The following DPP6 variants were observed in gnomAD, a reference collection of about 807,000 sequenced individuals.
DPP6 encodes the protein dipeptidyl peptidase like 6.
A neutral mutation model predicts 122.6 loss-of-function variants in DPP6; 69 were observed. The observed-to-expected ratio is 0.56, with a 90% confidence interval of 0.46 to 0.69. The LOEUF (loss-of-function observed/expected upper bound fraction) is 0.69. Among genes scored for constraint, DPP6 ranks in the 30% least tolerant of loss-of-function variants. DPP6 has a pLI of 0.00. For missense variants in DPP6, 928 were observed against 1,116.9 expected, an observed-to-expected ratio of 0.83 and a Z score of 2.41; for synonymous variants, 418 against 433.1, an observed-to-expected ratio of 0.97 and a Z score of 0.43.
At chr7:154,125,944 A>T (rs904358760) in intron 1 of DPP6, among the ~76,000 whole-genome samples, 8 of 152,126 alleles carry the variant, frequency 5.3e-5, no homozygotes, top group African/African-American at 1.9e-4. Context: ...TTGCTCCAGG[A>T]ATTCGGTAAA....
the DPP6 span, among the ~76,000 whole-genome samples, chr7:153,760,009 G>A: frequency 1.3e-4 from 20 of 151,980 alleles, no homozygotes; most frequent in East Asian, 2.1e-3. Flanking sequence ...CTGTATGTGA[G>A]TGAGTGTGTT....
At chr7:153,979,798 A>G (rs1200175002) in intron 1 of DPP6, among the ~76,000 whole-genome samples, 4 of 152,310 alleles carry the variant, frequency 2.6e-5, no homozygotes, top group South Asian at 4.1e-4. Flanking sequence ...ATCTATTGAG[A>G]TAATCATGTG....
rs899458811 is a variant in DPP6, at chr7:154,624,226, G to A, written c.628-13595G>A. 6.6e-6 allele frequency among the ~76,000 whole-genome samples: 1 copy of A among 152,022 alleles called. No individual in the cohort carries two copies. The highest frequency in any genetic ancestry group is 1.5e-5 in the Non-Finnish European group (1 of 68,012). ...GCCTATAAATCCAGCTACTTGGGAG[G>A]CTGAGGCAGAGAATTGCTTGAACCC... On this transcript the variant is annotated intron_variant, in intron 5 of 25. Transcript: ENST00000377770. The surrounding 1 kb of genome is among the most constrained non-coding windows in gnomAD (Gnocchi z 4.7).
chr7:154,539,022 A>G (rs1227597641), intron 3 of DPP6, among the ~76,000 whole-genome samples: 1 of 151,956 alleles, frequency 6.6e-6, no homozygotes, highest in Non-Finnish European at 1.5e-5. Flanking sequence ...ATAGACTTTC[A>G]TTTTCCTCAT....
chr7:154,544,140 T>A lies in DPP6; in HGVS notation c.552+3514T>A, dbSNP rs557458878. On this transcript the variant is annotated intron_variant, in intron 4 of 25. Coordinates refer to ENST00000377770, the MANE Select transcript of DPP6 (RefSeq NM_130797.4). ...ATATATACACACAAATATATGTATT[T>A]TATATATATATTTTATATATATATA... Among the ~76,000 whole-genome samples, 1,113 of 145,602 alleles carry A rather than the reference T, an allele frequency of 7.6e-3. 12 individuals carry two copies. The highest frequency in any genetic ancestry group is 0.025 in the African/African-American group (1,029 of 40,452).
intron 10 of DPP6, among the ~76,000 whole-genome samples, chr7:154,774,343 T>C (rs1796437922): frequency 6.6e-6 from 1 of 152,230 alleles, no homozygotes; most frequent in Non-Finnish European, 1.5e-5. Context: ...TTTATTGTTT[T>C]CCTTTCAGCC....
chr7:154,460,962 T>C (rs1821248076), intron 2 of DPP6, among the ~76,000 whole-genome samples: 1 of 152,116 alleles, frequency 6.6e-6, no homozygotes, highest in Non-Finnish European at 1.5e-5. Context: ...AACTCTATTT[T>C]TGTACCCATT....
chr7:154,138,473 A>G (rs1199498910), intron 1 of DPP6, among the ~76,000 whole-genome samples: 2 of 152,238 alleles, frequency 1.3e-5, no homozygotes, highest in Non-Finnish European at 2.9e-5. Context: ...ATTCTGCTCA[A>G]GAACAGCTCA....
At chr7:153,748,934 C>T in the DPP6 span, among the ~76,000 whole-genome samples, 2 of 151,604 alleles carry the variant, frequency 1.3e-5, no homozygotes, top group African/African-American at 4.8e-5. Flanking sequence ...CTGGGCCCCT[C>T]AACTTCCTCT....
Position 154,032,071 on chromosome 7 carries a change from C to T in DPP6, c.51+144337C>T, listed in dbSNP as rs539790231. Among the ~76,000 whole-genome samples, 497 of 150,832 alleles carry T rather than the reference C, an allele frequency of 3.3e-3. 2 individuals carry two copies. The highest frequency in any genetic ancestry group is 0.011 in the African/African-American group (467 of 40,922). Reference sequence around the variant, plus strand: ...ATTTTTAGTAGAGACGGGGTTTCACCGTGTTAGCCAGGATGGATGGTCTCG... The same window carrying T: ...ATTTTTAGTAGAGACGGGGTTTCACTGTGTTAGCCAGGATGGATGGTCTCG... On this transcript the variant is annotated intron_variant, in intron 1 of 25. Transcript: ENST00000404039.
At chr7:154,420,197 C>T (rs1265172374) in intron 1 of DPP6, among the ~76,000 whole-genome samples, 4 of 152,190 alleles carry the variant, frequency 2.6e-5, no homozygotes, top group Middle Eastern at 3.4e-3. Flanking sequence ...ATTAGCTGGG[C>T]GTGGTGGCGG....
In DPP6 at chr7:154,160,926, T is replaced by C. The variant is rs1796949073; in HGVS notation, c.243+107863T>C. 2.0e-5 allele frequency among the ~76,000 whole-genome samples: 3 copies of C among 152,210 alleles called. No individual in the cohort carries two copies. The South Asian group carries it at 6.2e-4, about 32-fold the overall frequency. On this transcript the variant is annotated intron_variant, in intron 1 of 25. Coordinates refer to ENST00000377770, the MANE Select transcript of DPP6 (RefSeq NM_130797.4). ...AACCGCCGACAGCAAGAAGTTTCCA[T>C]TCTTTTGGGGGTGACTGTGCATAAT...
intron 1 of DPP6, among the ~76,000 whole-genome samples, chr7:154,254,952 G>A (rs1220011047): frequency 6.6e-6 from 1 of 152,014 alleles, no homozygotes; most frequent in Non-Finnish European, 1.5e-5. Context: ...TATTTCCTTT[G>A]CAATTTGCAA....
chr7:154,673,197 A>T (rs1487788346), intron 7 of DPP6, among the ~76,000 whole-genome samples: 1 of 152,174 alleles, frequency 6.6e-6, no homozygotes, highest in African/African-American at 2.4e-5. Flanking sequence ...TTGCTCCCTA[A>T]AGTCAACCTA....
intron 1 of DPP6, among the ~76,000 whole-genome samples, chr7:154,445,446 G>A (rs1166786254): frequency 6.6e-6 from 1 of 152,148 alleles, no homozygotes; most frequent in African/African-American, 2.4e-5. Context: ...CTGAAAACTT[G>A]GTCTCAGCAG....
chr7:153,790,580 A>G, the DPP6 span, among the ~76,000 whole-genome samples: 24 of 152,322 alleles, frequency 1.6e-4, 2 homozygotes, highest in South Asian at 4.4e-3. Context: ...CAAATATTGA[A>G]TGCCTAAAGC....
intron 7 of DPP6, among the ~76,000 whole-genome samples, chr7:154,719,003 G>A (rs1841653342): frequency 6.6e-6 from 1 of 152,126 alleles, no homozygotes. Flanking sequence ...CTCTTCTTGT[G>A]TCTGAACATC....
intron 1 of DPP6, among the ~76,000 whole-genome samples, chr7:154,439,354 A>T (rs890725331): frequency 6.6e-6 from 1 of 152,206 alleles, no homozygotes; most frequent in South Asian, 2.1e-4. Flanking sequence ...AGCTTACTTC[A>T]TAGCCATCTT....
At chr7:154,456,636 G>T (rs1820854266) in intron 2 of DPP6, among the ~76,000 whole-genome samples, 1 of 152,096 alleles carries the variant, frequency 6.6e-6, no homozygotes, top group South Asian at 2.1e-4. Flanking sequence ...ATGGCCAAAA[G>T]GGGGCCTTTT....
Sources: allele counts gnomAD v4.1 joint callset (sites outside exome capture counted in the v4.1 genomes callset), GRCh38; gene constraint gnomAD v4.1.1; non-coding constraint Gnocchi (gnomAD v3.1); transcripts MANE v1.5; gene names NCBI Gene and HGNC (gene_info 2026-07-23, HGNC 2026-07-21).